OLFM3: variants seen among roughly 807,000 people sequenced by gnomAD.
OLFM3 encodes noelin-3.
A neutral mutation model predicts 48.6 loss-of-function variants in OLFM3; 20 were observed. That is an observed-to-expected ratio of 0.41 (90% CI 0.29 to 0.60). OLFM3 has a LOEUF of 0.60. Ranked by LOEUF, OLFM3 falls within the 20% of genes least tolerant of loss-of-function variation. OLFM3 has a pLI of 0.28. For synonymous variants in OLFM3, 222 were observed against 198.1 expected, an observed-to-expected ratio of 1.12 and a Z score of -1.01; for missense variants, 437 against 544.3, an observed-to-expected ratio of 0.80 and a Z score of 1.96.
intron 2 of OLFM3, among the ~76,000 whole-genome samples, chr1:101,831,410 G>C (rs1023811034): frequency 6.6e-6 from 1 of 152,186 alleles, no homozygotes; most frequent in African/African-American, 2.4e-5. Flanking sequence ...AAGGGTAACT[G>C]CATCAAGTGC....
At chr1:101,991,038 T>TAC (rs1421320891) in intron 1 of OLFM3, among the ~76,000 whole-genome samples, 1,278 of 112,386 alleles carry the variant, frequency 0.011, 31 homozygotes, top group Non-Finnish European at 0.019. Flanking sequence ...TATATATATA[T>TAC]ATACTTCGTG....
At chr1:101,852,606 A>T (rs977880534) in intron 1 of OLFM3, among the ~76,000 whole-genome samples, 2 of 152,098 alleles carry the variant, frequency 1.3e-5, no homozygotes, top group African/African-American at 4.8e-5. Context: ...TCTACTTGAC[A>T]TCTCCACTTC....
chr1:101,853,497 T>G (rs112797245), intron 1 of OLFM3, among the ~76,000 whole-genome samples: 209 of 152,238 alleles, frequency 1.4e-3, no homozygotes, highest in African/African-American at 4.5e-3. Flanking sequence ...TTGCTTATTA[T>G]GTTTTCTCCA....
intron 1 of OLFM3, among the ~76,000 whole-genome samples, chr1:101,941,488 G>T (rs934524121): frequency 3.3e-5 from 5 of 152,016 alleles, no homozygotes; most frequent in African/African-American, 7.2e-5. Context: ...ATAAGTTCAT[G>T]AATGTGACCT....
intron 1 of OLFM3, among the ~76,000 whole-genome samples, chr1:101,898,353 G>C (rs1658274610): frequency 6.6e-6 from 1 of 152,170 alleles, no homozygotes; most frequent in African/African-American, 2.4e-5. Flanking sequence ...GTGGCAGATT[G>C]AGGATTTAGT....
At chr1:101,848,358 G>A (rs1390309009) in intron 1 of OLFM3, among the ~76,000 whole-genome samples, 1 of 152,118 alleles carries the variant, frequency 6.6e-6, no homozygotes, top group Non-Finnish European at 1.5e-5. Flanking sequence ...GTTTTGGCAG[G>A]AGAAATAAAT....
In OLFM3 at chr1:101,836,515, T is replaced by C. The variant is rs1655416670; in HGVS notation, c.216+364A>G. ...TTTTAACTTTATTGCAAGGTTGTTA[T>C]GGGATTCAAAAGTTTGAGCTCCAAG... is the stretch of plus-strand genomic sequence containing the variant. On this transcript the variant is annotated intron_variant, in intron 2 of 5. Transcript: ENST00000370103. Among the ~76,000 whole-genome samples, 3 of 152,166 alleles carry C rather than the reference T, an allele frequency of 2.0e-5. No homozygotes were observed. The South Asian group carries it at 6.2e-4, about 32-fold the overall frequency.
intron 4 of OLFM3, among the ~76,000 whole-genome samples, chr1:101,818,785 T>C (rs936500188): frequency 6.6e-6 from 1 of 152,174 alleles, no homozygotes; most frequent in African/African-American, 2.4e-5. Flanking sequence ...TTTTTGGCTT[T>C]GTAAAAGATA....
At chr1:101,834,513 A>C (rs1655309059) in intron 2 of OLFM3, among the ~76,000 whole-genome samples, 1 of 152,198 alleles carries the variant, frequency 6.6e-6, no homozygotes, top group African/African-American at 2.4e-5. Context: ...GAAACTATAG[A>C]GAGATAAGCA....
chr1:101,881,882 A>C (rs1353946970), intron 1 of OLFM3, among the ~76,000 whole-genome samples: 3 of 151,604 alleles, frequency 2.0e-5, no homozygotes, highest in Non-Finnish European at 4.4e-5. Context: ...ACTAGACCTC[A>C]ACCACAGTCT....
chr1:101,980,716 G>A (rs981467871), intron 1 of OLFM3, among the ~76,000 whole-genome samples: 1 of 152,200 alleles, frequency 6.6e-6, no homozygotes, highest in African/African-American at 2.4e-5. Flanking sequence ...CCCAGAGTGA[G>A]AGGGAAGGGA....
At chr1:101,882,067 A>T (rs1362888051) in intron 1 of OLFM3, among the ~76,000 whole-genome samples, 1 of 151,210 alleles carries the variant, frequency 6.6e-6, no homozygotes, top group Non-Finnish European at 1.5e-5. Flanking sequence ...AGAAAAGAAA[A>T]AAAAGAAAAT....
intron 1 of OLFM3, among the ~76,000 whole-genome samples, chr1:101,870,428 A>G (rs1017355691): frequency 6.6e-6 from 1 of 152,204 alleles, no homozygotes; most frequent in African/African-American, 2.4e-5. Flanking sequence ...ATATAAAAGT[A>G]TCCACCTTGA....
intron 1 of OLFM3, among the ~76,000 whole-genome samples, chr1:101,877,342 C>T (rs1657342319): frequency 6.6e-6 from 1 of 151,880 alleles, no homozygotes; most frequent in Admixed American, 6.6e-5. Flanking sequence ...CTTCTTGATA[C>T]CAGCAAGTTA....
At chr1:101,963,351 G>A (rs1186139546) in intron 1 of OLFM3, among the ~76,000 whole-genome samples, 1 of 152,124 alleles carries the variant, frequency 6.6e-6, no homozygotes, top group Non-Finnish European at 1.5e-5. Context: ...CAGGTGGGAG[G>A]GTAACCCCTG....
intron 4 of OLFM3, chr1:101,813,243 TA>T (rs559644195): frequency 6.7e-4 from 257 of 384,790 alleles, no homozygotes; most frequent in Non-Finnish European, 9.9e-4. Context: ...TTGTCAATAT[TA>T]AATAAAAATT....
At position 101,993,111 on chromosome 1, in the gene OLFM3, A is replaced by G. The variant is rs1661461158; in HGVS notation, c.69+3637T>C. 1.3e-5 allele frequency among the ~76,000 whole-genome samples: 2 copies of G among 152,180 alleles called. 1 individual carries two copies. The highest frequency in any genetic ancestry group is 4.1e-4 in the South Asian group (2 of 4,832). On this transcript the variant is annotated intron_variant, in intron 1 of 5. Coordinates refer to ENST00000370103, the MANE Select transcript of OLFM3 (RefSeq NM_058170.4). The stretch of plus-strand genomic sequence containing the variant: ...GTTTAGCAGTCACAATGGTGTGCAG[A>G]TATGGCCATGTCACCTCTTTTTAAC...
intron 1 of OLFM3, among the ~76,000 whole-genome samples, chr1:101,902,468 G>A (rs995098663): frequency 2.6e-5 from 4 of 151,856 alleles, no homozygotes; most frequent in Non-Finnish European, 4.4e-5. Context: ...CACCCAAAAG[G>A]GAAGGAACTA....
chr1:101,907,848 A>G (rs2101024836), intron 1 of OLFM3, among the ~76,000 whole-genome samples: 1 of 152,002 alleles, frequency 6.6e-6, no homozygotes, highest in Non-Finnish European at 1.5e-5. Context: ...AATCACTCAG[A>G]CACTTGGAAG....
Sources: allele counts gnomAD v4.1 joint callset (sites outside exome capture counted in the v4.1 genomes callset), GRCh38; gene constraint gnomAD v4.1.1; transcripts MANE v1.5; gene names NCBI Gene and HGNC (gene_info 2026-07-23, HGNC 2026-07-21).